ZFHX3: variants seen among roughly 807,000 people sequenced by gnomAD.
ZFHX3 encodes zinc finger homeobox 3, also known as zinc finger homeobox protein 3.
In ZFHX3, 42 loss-of-function variants were observed where a neutral mutation model predicts 279.1. The observed-to-expected ratio is 0.15, with a 90% CI of 0.12 to 0.19. The LOEUF is 0.19. ZFHX3 is among the 10% of genes least tolerant of loss of function. ZFHX3 has a pLI of 1.00. For missense variants in ZFHX3, 4,981 were observed against 4,754.0 expected, an observed-to-expected ratio of 1.05 and a Z score of -1.40; for synonymous variants, 2,293 against 1,957.8, an observed-to-expected ratio of 1.17 and a Z score of -4.52.
intron 3 of ZFHX3, among the ~76,000 whole-genome samples, chr16:72,892,174 C>G (rs1567568732): frequency 6.6e-6 from 1 of 152,202 alleles, no homozygotes; most frequent in Non-Finnish European, 1.5e-5. Flanking sequence ...AACATAAATG[C>G]ACCAACTAAG....
chr16:73,487,849 T>G (rs2019001037), intron 2 of ZFHX3: 1 of 156,464 alleles, frequency 6.4e-6, no homozygotes, highest in Admixed American at 6.3e-5. Context: ...GGCTCTTTGC[T>G]GGGACTCCTT....
intron 3 of ZFHX3, among the ~76,000 whole-genome samples, chr16:73,333,805 CAAAAAAAAAAA>C (rs36006944): frequency 1.9e-5 from 1 of 53,848 alleles, no homozygotes; most frequent in Non-Finnish European, 3.4e-5. Context: ...CCCAAGAGAC[CAAAAAAAAAAA>C]AAAAAAAAAA....
intron 7 of ZFHX3, among the ~76,000 whole-genome samples, chr16:73,107,278 C>A (rs977960046): frequency 2.0e-5 from 3 of 151,508 alleles, no homozygotes; most frequent in East Asian, 3.9e-4. Context: ...CCACTGCACT[C>A]CAGACTGGAC....
chr16:73,105,843 G>T (rs536845432), intron 7 of ZFHX3, among the ~76,000 whole-genome samples: 1 of 151,952 alleles, frequency 6.6e-6, no homozygotes, highest in African/African-American at 2.4e-5. Context: ...TCTTTTCATG[G>T]CCCTCATGAT....
intron 2 of ZFHX3, among the ~76,000 whole-genome samples, chr16:73,581,773 C>G (rs554493848): frequency 1.3e-5 from 2 of 148,414 alleles, no homozygotes; most frequent in Non-Finnish European, 3.0e-5. Context: ...CGGGTTCAAC[C>G]GATTTTCCTG....
chr16:73,191,243 T>TA (rs1968024591), intron 5 of ZFHX3, among the ~76,000 whole-genome samples: 1 of 152,138 alleles, frequency 6.6e-6, no homozygotes, highest in African/African-American at 2.4e-5. Flanking sequence ...TTGTGGTAAG[T>TA]AATCTCTCTG....
intron 2 of ZFHX3, among the ~76,000 whole-genome samples, chr16:73,492,680 C>CTAAA (rs2143648886): frequency 6.6e-6 from 1 of 152,322 alleles, no homozygotes; most frequent in East Asian, 1.9e-4. Flanking sequence ...ATCCTCCAGC[C>CTAAA]TAAACCCTGG....
At chr16:72,842,445 G>C in intron 4 of ZFHX3, among the ~76,000 whole-genome samples, 1 of 152,106 alleles carries the variant, frequency 6.6e-6, no homozygotes, top group South Asian at 2.1e-4. Flanking sequence ...AAGGAAACTC[G>C]AAACAAATGA....
intron 4 of ZFHX3, among the ~76,000 whole-genome samples, chr16:73,308,961 G>C (rs1356293327): frequency 6.6e-6 from 1 of 152,056 alleles, no homozygotes; most frequent in East Asian, 1.9e-4. Context: ...CAATGAGGAA[G>C]TTAGATCCCA....
chr16:73,078,338 C>T (rs186093190), intron 8 of ZFHX3, among the ~76,000 whole-genome samples: 3 of 152,238 alleles, frequency 2.0e-5, no homozygotes, highest in South Asian at 2.1e-4. Context: ...AAGACCAAGA[C>T]GGGAGCACAA....
chr16:73,847,441 C>T (rs1273635072), intron 1 of ZFHX3, among the ~76,000 whole-genome samples: 1 of 152,122 alleles, frequency 6.6e-6, no homozygotes, highest in African/African-American at 2.4e-5. Flanking sequence ...AGAACAGCAC[C>T]CTTGGCAGGC....
intron 5 of ZFHX3, among the ~76,000 whole-genome samples, chr16:73,204,761 C>G (rs1266520302): frequency 6.6e-6 from 1 of 152,210 alleles, no homozygotes; most frequent in Non-Finnish European, 1.5e-5. Context: ...TAGCCTAGCA[C>G]AACACTTGGA....
chr16:72,904,460 C>G (rs930657995), intron 3 of ZFHX3, among the ~76,000 whole-genome samples: 2 of 151,496 alleles, frequency 1.3e-5, no homozygotes, highest in Non-Finnish European at 2.9e-5. Flanking sequence ...GAAGAAAATC[C>G]TTCTAAAGCT....
At chr16:73,033,874 G>A (rs377572152) in intron 1 of ZFHX3, among the ~76,000 whole-genome samples, 4 of 152,264 alleles carry the variant, frequency 2.6e-5, no homozygotes, top group East Asian at 1.9e-4. Flanking sequence ...ACCAAGGAAC[G>A]CTAAGGTCAA....
intron 4 of ZFHX3, among the ~76,000 whole-genome samples, chr16:73,292,583 C>T (rs1230221669): frequency 6.6e-6 from 1 of 152,214 alleles, no homozygotes; most frequent in Non-Finnish European, 1.5e-5. Flanking sequence ...TGTCCATCAG[C>T]TCCTTTCAAA....
At chr16:73,252,688 T>C (rs2013545592) in intron 5 of ZFHX3, among the ~76,000 whole-genome samples, 1 of 151,836 alleles carries the variant, frequency 6.6e-6, no homozygotes, top group African/African-American at 2.4e-5. Context: ...GCAGCAAATG[T>C]AGAAACATCG....
intron 1 of ZFHX3, among the ~76,000 whole-genome samples, chr16:73,700,090 G>A (rs2053233368): frequency 6.6e-6 from 1 of 151,972 alleles, no homozygotes; most frequent in Non-Finnish European, 1.5e-5. Context: ...AGACATTATA[G>A]CACACACTTA....
chr16:73,436,386 G>A (rs1348822289), intron 3 of ZFHX3, among the ~76,000 whole-genome samples: 2 of 152,160 alleles, frequency 1.3e-5, no homozygotes, highest in Admixed American at 6.5e-5. Context: ...AATCATGGTG[G>A]AAGGTAAAAG....
chr16:73,779,167 C>A (rs2386717), intron 1 of ZFHX3, among the ~76,000 whole-genome samples: 41,941 of 151,998 alleles, frequency 0.28, 5,948 homozygotes, highest in Admixed American at 0.33. Context: ...CCCGAGCCTC[C>A]CAACATGTGC....
Sources: gnomAD v4.1 joint callset for allele counts (sites outside exome capture counted in the v4.1 genomes callset) on GRCh38, gnomAD v4.1.1 for gene constraint, MANE v1.5 for transcripts, NCBI Gene and HGNC (gene_info 2026-07-23, HGNC 2026-07-21) for gene names.